Variants in SORCS2 observed in about 807,000 individuals in gnomAD.
SORCS2 encodes VPS10 domain-containing receptor SorCS2.
Under a neutral mutation model 141.6 loss-of-function variants are expected in SORCS2, and 100 were observed. The ratio of observed to expected loss-of-function variants is 0.71; its 90% CI spans 0.60 to 0.83. The LOEUF is 0.83. SORCS2 is among the 40% of genes least tolerant of loss of function. SORCS2 has a pLI of 0.00. For missense variants in SORCS2, 1,646 were observed against 1,560.2 expected, an observed-to-expected ratio of 1.05 and a Z score of -0.93; for synonymous variants, 789 against 676.9, an observed-to-expected ratio of 1.17 and a Z score of -2.57.
intron 2 of SORCS2, among the ~76,000 whole-genome samples, chr4:7,530,242 G>T (rs1246588724): frequency 6.6e-6 from 1 of 152,236 alleles, no homozygotes; most frequent in South Asian, 2.1e-4. Flanking sequence ...GCCCCCAGAG[G>T]ACAAACTAGG....
intron 15 of SORCS2, 119 bp downstream of exon 15, chr4:7,712,972 T>C: frequency 7.1e-7 from 1 of 1,417,010 alleles, no homozygotes; most frequent in Non-Finnish European, 9.5e-7. Context: ...CTCCAAGAAG[T>C]CTTCAGGGAA....
Position 7,201,130 on chromosome 4 carries a change from T to C in SORCS2, c.480+8004T>C, listed in dbSNP as rs920534591. ...GCTGGGGAAGTCTGGGAAGATTTCC[T>C]GGAGGAGGTGAAGATGGAGCTGCTC... On this transcript the variant is annotated intron_variant, in intron 1 of 26. Coordinates refer to ENST00000507866, the MANE Select transcript of SORCS2 (RefSeq NM_020777.3). The surrounding 1 kb of genome is among the most constrained non-coding windows in gnomAD (Gnocchi z 4.4). Among the ~76,000 whole-genome samples, 3 of 152,170 alleles carry C rather than the reference T, an allele frequency of 2.0e-5. No individual in the cohort carries two copies. Among genetic ancestry groups the C allele is most frequent in the South Asian group, 2.1e-4 (1 of 4,828 alleles).
At chr4:7,243,185 T>C (rs1247213597) in intron 1 of SORCS2, among the ~76,000 whole-genome samples, 1 of 152,182 alleles carries the variant, frequency 6.6e-6, no homozygotes, top group Non-Finnish European at 1.5e-5. Flanking sequence ...ACGTGGGATG[T>C]TCTGGTCTCG....
intron 2 of SORCS2, among the ~76,000 whole-genome samples, chr4:7,521,079 T>C (rs893541032): frequency 2.6e-5 from 4 of 152,104 alleles, no homozygotes; most frequent in Admixed American, 2.0e-4. Flanking sequence ...CTCAGTTTCC[T>C]GGTCAGCGAA....
At chr4:7,362,189 A>AC (rs1251149215) in intron 1 of SORCS2, among the ~76,000 whole-genome samples, 2 of 152,098 alleles carry the variant, frequency 1.3e-5, no homozygotes, top group African/African-American at 4.8e-5. Context: ...TTGAGGTGGG[A>AC]CAAACTTGTA....
intron 19 of SORCS2, among the ~76,000 whole-genome samples, chr4:7,724,869 TA>T: frequency 7.0e-6 from 1 of 143,396 alleles, no homozygotes; most frequent in African/African-American, 2.8e-5. Context: ...ATGGTGGTGG[TA>T]GTGGTGATGG....
chr4:7,720,351 C>G (rs1247915587), intron 18 of SORCS2, among the ~76,000 whole-genome samples: 1 of 152,014 alleles, frequency 6.6e-6, no homozygotes, highest in African/African-American at 2.4e-5. Flanking sequence ...AACCTCACAC[C>G]CGATAGAAAA....
intron 2 of SORCS2, among the ~76,000 whole-genome samples, chr4:7,480,663 A>C (rs946839930): frequency 2.0e-5 from 3 of 152,202 alleles, no homozygotes; most frequent in African/African-American, 7.2e-5. Flanking sequence ...GGTAGCCCAG[A>C]GCCGCGGCCA....
intron 2 of SORCS2, among the ~76,000 whole-genome samples, chr4:7,514,614 C>T (rs10031999): frequency 0.042 from 6,317 of 152,042 alleles, 269 homozygotes; most frequent in African/African-American, 0.11. Context: ...GAGGAGCACA[C>T]GCAAAGGCCC....
intron 2 of SORCS2, among the ~76,000 whole-genome samples, chr4:7,398,511 A>G (rs911937829): frequency 1.3e-5 from 2 of 152,250 alleles, no homozygotes; most frequent in African/African-American, 4.8e-5. Context: ...CTCTATACCC[A>G]GATGTTTCTT....
At chr4:7,614,120 C>A (rs939207397) in intron 3 of SORCS2, among the ~76,000 whole-genome samples, 1 of 151,006 alleles carries the variant, frequency 6.6e-6, no homozygotes, top group Non-Finnish European at 1.5e-5. Flanking sequence ...CATCCTCTTA[C>A]CCACTGTCCA....
chr4:7,230,936 G>A (rs1390163451), intron 1 of SORCS2, among the ~76,000 whole-genome samples: 2 of 152,266 alleles, frequency 1.3e-5, no homozygotes, highest in African/African-American at 4.8e-5. Context: ...CCAGTGCATT[G>A]GTCAGGGTTC....
Position 7,718,045 on chromosome 4 carries a change from T to C in SORCS2, c.2286T>C (p.Gly762=), listed in dbSNP as rs753851483. The C allele has an allele frequency of 6.2e-7, 1 of 1,607,926 alleles. No individual in the cohort carries two copies. The highest frequency in any genetic ancestry group is 1.1e-5 in the South Asian group (1 of 89,942). ...AAGTGGTGTCCAACGTGTGTGAGGG[T>C]GGGGTGGACATGCAGCAGAGTCAGG... is the stretch of plus-strand genomic sequence containing the variant. ...YRKVVSNVCE[G]GVDMQQSQVQ... is the part of the protein sequence containing the mutation. The change falls in exon 18 of 27, where the codon GGT becomes GGC. Residue 762 remains glycine (G), a synonymous_variant. Coordinates refer to ENST00000507866, the MANE Select transcript of SORCS2 (RefSeq NM_020777.3).
chr4:7,463,157 GC>G (rs1190509230), intron 2 of SORCS2, among the ~76,000 whole-genome samples: 1 of 152,116 alleles, frequency 6.6e-6, no homozygotes, highest in Admixed American at 6.5e-5. Context: ...AGGGAGCCTG[GC>G]CCCGAAGCCT....
chr4:7,495,133 T>C (rs1731535319), intron 2 of SORCS2, among the ~76,000 whole-genome samples: 1 of 152,222 alleles, frequency 6.6e-6, no homozygotes, highest in African/African-American at 2.4e-5. Context: ...TACAGTCAGC[T>C]TAGAAACCGT....
At chr4:7,251,503 G>C (rs1713507208) in intron 1 of SORCS2, among the ~76,000 whole-genome samples, 1 of 152,222 alleles carries the variant, frequency 6.6e-6, no homozygotes, top group South Asian at 2.1e-4. Flanking sequence ...TCAAGACTAG[G>C]AGTTATTGCA....
intron 1 of SORCS2, among the ~76,000 whole-genome samples, chr4:7,291,646 G>T (rs1716611953): frequency 6.6e-6 from 1 of 152,208 alleles, no homozygotes; most frequent in Non-Finnish European, 1.5e-5. Flanking sequence ...TGCCAGGAGA[G>T]CCTGGTGTGT....
chr4:7,543,216 G>A (rs1712818867), intron 3 of SORCS2, among the ~76,000 whole-genome samples: 1 of 152,206 alleles, frequency 6.6e-6, no homozygotes, highest in Non-Finnish European at 1.5e-5. Context: ...TCCACTTGCT[G>A]CAGTTGGGAG....
chr4:7,641,817 G>GATGGATGGATGT (rs1553897684), intron 4 of SORCS2, among the ~76,000 whole-genome samples: 60 of 127,468 alleles, frequency 4.7e-4, no homozygotes, highest in South Asian at 2.0e-3. Context: ...TGGATGGATG[G>GATGGATGGATGT]GTGGGTGGAT....
Sources: allele counts gnomAD v4.1 joint callset (sites outside exome capture counted in the v4.1 genomes callset), GRCh38; gene constraint gnomAD v4.1.1; non-coding constraint Gnocchi (gnomAD v3.1); transcripts MANE v1.5; gene names NCBI Gene and HGNC (gene_info 2026-07-23, HGNC 2026-07-21).